The following ULK4 variants were observed in gnomAD, a reference collection of about 807,000 sequenced individuals.
The protein encoded by ULK4 is unc-51 like kinase 4.
A neutral mutation model predicts 160.6 loss-of-function variants in ULK4; 133 were observed. That is an observed-to-expected ratio of 0.83 (90% CI 0.72 to 0.96). The LOEUF (loss-of-function observed/expected upper bound fraction) is 0.96. Among genes scored for constraint, ULK4 ranks in the 40% least tolerant of loss-of-function variants. The pLI is 0.00. For missense variants in ULK4, 1,580 were observed against 1,499.5 expected, an observed-to-expected ratio of 1.05 and a Z score of -0.89; for synonymous variants, 534 against 539.8, an observed-to-expected ratio of 0.99 and a Z score of 0.15.
chr3:41,949,738 T>C (rs889792225), intron 2 of ULK4, among the ~76,000 whole-genome samples: 1 of 149,854 alleles, frequency 6.7e-6, no homozygotes, highest in Non-Finnish European at 1.5e-5. Flanking sequence ...CCTGCCTTTT[T>C]TTTTTTCTTT....
At chr3:41,582,750 G>A (rs534850529) in intron 31 of ULK4, among the ~76,000 whole-genome samples, 32 of 152,360 alleles carry the variant, frequency 2.1e-4, no homozygotes, top group African/African-American at 7.5e-4. Flanking sequence ...TTTTTAAAGT[G>A]TGTGGATTCT....
At chr3:41,457,045 A>G (rs2083570480) in intron 33 of ULK4, among the ~76,000 whole-genome samples, 1 of 152,234 alleles carries the variant, frequency 6.6e-6, no homozygotes, top group Admixed American at 6.5e-5. Context: ...CTGTCAGGAA[A>G]CAAATGTGCG....
intron 18 of ULK4, among the ~76,000 whole-genome samples, chr3:41,831,531 A>ATATATATATATAT: frequency 2.2e-5 from 3 of 138,066 alleles, no homozygotes; most frequent in African/African-American, 8.5e-5. Context: ...ATATATATAT[A>ATATATATATATAT]TTTTTTTTTC....
chr3:41,505,410 CA>C (rs2085342785), intron 32 of ULK4, among the ~76,000 whole-genome samples: 1 of 152,084 alleles, frequency 6.6e-6, no homozygotes, highest in Non-Finnish European at 1.5e-5. Flanking sequence ...ACAGTGGTCG[CA>C]ATTCATTCAT....
At chr3:41,484,699 A>G (rs9873086) in intron 32 of ULK4, among the ~76,000 whole-genome samples, 57,385 of 151,480 alleles carry the variant, frequency 0.38, 11,049 homozygotes, top group African/African-American at 0.43. Context: ...TGATCCGCCC[A>G]CCTTGGCCTC....
chr3:41,365,815 G>A (rs2081243024), intron 35 of ULK4, among the ~76,000 whole-genome samples: 2 of 151,572 alleles, frequency 1.3e-5, no homozygotes, highest in African/African-American at 2.4e-5. Flanking sequence ...CCAATGGAAA[G>A]ACAACTACAT....
intron 12 of ULK4, among the ~76,000 whole-genome samples, chr3:41,904,349 AGC>A (rs1698478148): frequency 6.6e-6 from 1 of 152,034 alleles, no homozygotes; most frequent in African/African-American, 2.4e-5. Context: ...GAATCACCTA[AGC>A]CCAACAAGTT....
intron 17 of ULK4, among the ~76,000 whole-genome samples, chr3:41,883,196 C>T (rs1697586805): frequency 6.6e-6 from 1 of 152,144 alleles, no homozygotes; most frequent in Admixed American, 6.5e-5. Context: ...GTTCCAATTC[C>T]TCTTAAGGCT....
At chr3:41,582,672 C>T (rs2030470540) in intron 31 of ULK4, among the ~76,000 whole-genome samples, 1 of 152,222 alleles carries the variant, frequency 6.6e-6, no homozygotes, top group Non-Finnish European at 1.5e-5. Context: ...TAGGCTCTAC[C>T]TCTCTGGTTG....
At chr3:41,577,553 T>C (rs2088233982) in intron 31 of ULK4, among the ~76,000 whole-genome samples, 1 of 152,178 alleles carries the variant, frequency 6.6e-6, no homozygotes, top group Non-Finnish European at 1.5e-5. Flanking sequence ...TGTTATCAAA[T>C]ACTAGGTCTT....
intron 19 of ULK4, among the ~76,000 whole-genome samples, chr3:41,812,009 C>T (rs986547607): frequency 2.0e-5 from 3 of 152,174 alleles, no homozygotes; most frequent in Non-Finnish European, 4.4e-5. Flanking sequence ...AGGCCAGGCA[C>T]AGTGGCTCAT....
intron 31 of ULK4, among the ~76,000 whole-genome samples, chr3:41,588,403 A>G (rs566440601): frequency 1.3e-5 from 2 of 152,362 alleles, no homozygotes; most frequent in Admixed American, 6.5e-5. Flanking sequence ...TCAAATTTTC[A>G]CAGAAAAATT....
At chr3:41,489,371 C>A (rs534574624) in intron 32 of ULK4, among the ~76,000 whole-genome samples, 1 of 152,166 alleles carries the variant, frequency 6.6e-6, no homozygotes, top group Non-Finnish European at 1.5e-5. Flanking sequence ...AATCCTTTAT[C>A]AGGTACAGTG....
chr3:41,730,427 A>AT (rs1301854177), intron 22 of ULK4, among the ~76,000 whole-genome samples: 2 of 152,196 alleles, frequency 1.3e-5, no homozygotes, highest in African/African-American at 2.4e-5. Flanking sequence ...AAACTCAGAG[A>AT]TAAAAAGTAG....
intron 7 of ULK4, 110 bp downstream of exon 7, chr3:41,918,347 A>G: frequency 1.5e-6 from 1 of 654,932 alleles, no homozygotes; most frequent in African/African-American, 1.9e-5. Flanking sequence ...GATCATTTAT[A>G]AAAGATAACT....
chr3:41,768,351 C>A (rs1316791319), intron 21 of ULK4, among the ~76,000 whole-genome samples: 6 of 152,274 alleles, frequency 3.9e-5, no homozygotes, highest in African/African-American at 1.2e-4. Flanking sequence ...AGTATCTGGA[C>A]TAACCTGCTT....
intron 35 of ULK4, among the ~76,000 whole-genome samples, chr3:41,261,094 G>T (rs1052520216): frequency 6.6e-6 from 1 of 152,172 alleles, no homozygotes; most frequent in Non-Finnish European, 1.5e-5. Context: ...GGAGTACACA[G>T]GGCATTAGTA....
chr3:41,423,183 G>T (rs1184273905), intron 34 of ULK4, among the ~76,000 whole-genome samples: 3 of 152,168 alleles, frequency 2.0e-5, no homozygotes, highest in Non-Finnish European at 4.4e-5. Context: ...GCAGGGAAAA[G>T]GATGCAAGGA....
In ULK4 at chr3:41,814,908, C is replaced by CTT. The variant is rs201381514; in HGVS notation, c.1848+4513_1848+4514dup. On this transcript the variant is annotated intron_variant, in intron 19 of 36. Coordinates refer to ENST00000301831, the MANE Select transcript of ULK4 (RefSeq NM_017886.4). ...ATACTGTTTATTTTCTAATTCTGTCCTTTTTTTTTTTTTTTTTTGAGATGG... is the reference window on the plus strand; with the variant it reads ...ATACTGTTTATTTTCTAATTCTGTCCTTTTTTTTTTTTTTTTTTTTGAGATGG... Among the ~76,000 whole-genome samples, 750 of 127,420 alleles carry CTT rather than the reference C, an allele frequency of 5.9e-3. 21 individuals are homozygous for CTT. The highest frequency in any genetic ancestry group is 0.022 in the African/African-American group (699 of 31,784). 83.6% of individuals were successfully genotyped at this position (127,420 alleles called of 152,430 possible).
Sources: allele counts gnomAD v4.1 joint callset (sites outside exome capture counted in the v4.1 genomes callset), GRCh38; gene constraint gnomAD v4.1.1; transcripts MANE v1.5; gene names NCBI Gene and HGNC (gene_info 2026-07-23, HGNC 2026-07-21).